The following MCC variants were observed in gnomAD, a reference collection of about 807,000 sequenced individuals.
MCC encodes the protein MCC regulator of Wnt signaling pathway, also known as colorectal mutant cancer protein.
In MCC, 90 loss-of-function variants were observed where a neutral mutation model predicts 116.2. The observed-to-expected ratio is 0.77, with a 90% CI of 0.65 to 0.92. MCC has a LOEUF of 0.92. Ranked by LOEUF, MCC falls within the 40% of genes least tolerant of loss-of-function variation. The pLI, the probability that MCC is intolerant of heterozygous loss-of-function variation, is 0.00. For synonymous variants in MCC, 578 were observed against 510.5 expected, an observed-to-expected ratio of 1.13 and a Z score of -1.78; for missense variants, 1,516 against 1,312.2, an observed-to-expected ratio of 1.16 and a Z score of -2.40.
chr5:113,452,094 A>C (rs1441281386), intron 1 of MCC, among the ~76,000 whole-genome samples: 13 of 152,184 alleles, frequency 8.5e-5, no homozygotes, highest in Admixed American at 8.5e-4. Context: ...AGGATAGCCT[A>C]GACTTAATAT....
rs758649266 is a variant in MCC at position 113,064,128 on chromosome 5, T to A, written c.2069A>T (p.Lys690Met). The change falls in exon 14 of 19, where the codon AAG (lysine) becomes ATG (methionine). Residue 690 changes from lysine to methionine, a missense_variant. By Grantham distance (95) the Lys-to-Met change is moderately conservative. Coordinates refer to ENST00000408903, the MANE Select transcript of MCC (RefSeq NM_001085377.2). The part of the protein sequence containing the change: ...SGDENITQML[K>M]RAHDCRKTAE... ...TGTCTTCCGGCAGTCATGAGCTCGC[T>A]TGAGCATCTGAGTGATGTTTTCATC... 5.0e-6 allele frequency: 8 copies of A among 1,613,760 alleles called. No individual in the cohort carries two copies. The highest frequency in any genetic ancestry group is 2.2e-5 in the South Asian group (2 of 91,018).
At chr5:113,239,611 T>A (rs538816707) in intron 3 of MCC, among the ~76,000 whole-genome samples, 1 of 152,282 alleles carries the variant, frequency 6.6e-6, no homozygotes, top group African/African-American at 2.4e-5. Context: ...TCCGTAGTAA[T>A]GTCCAGATGG....
At chr5:113,118,051 C>G (rs868758272) in intron 6 of MCC, among the ~76,000 whole-genome samples, 1 of 152,224 alleles carries the variant, frequency 6.6e-6, no homozygotes, top group Admixed American at 6.5e-5. Flanking sequence ...AAAACAACTT[C>G]TTGGCTGTGT....
At chr5:113,085,362 C>T (rs1440040586) in intron 8 of MCC, 52 bp from the exon 9 acceptor site, 1 of 1,542,592 alleles carries the variant, frequency 6.5e-7, no homozygotes, top group African/African-American at 1.4e-5. Flanking sequence ...GGCTAAAGAG[C>T]AAAACAGCCA....
intron 3 of MCC, among the ~76,000 whole-genome samples, chr5:113,287,569 C>T (rs754141905): frequency 6.6e-6 from 1 of 152,190 alleles, no homozygotes; most frequent in East Asian, 1.9e-4. Context: ...TCATGATCCA[C>T]CTGTCTCAGC....
At chr5:113,280,330 C>G (rs926352471) in intron 3 of MCC, among the ~76,000 whole-genome samples, 4 of 152,172 alleles carry the variant, frequency 2.6e-5, no homozygotes, top group Non-Finnish European at 5.9e-5. Context: ...TGTAACTTTT[C>G]TATCTATCTC....
At chr5:113,109,495 T>C (rs1200413553) in intron 6 of MCC, among the ~76,000 whole-genome samples, 2 of 152,064 alleles carry the variant, frequency 1.3e-5, no homozygotes, top group Non-Finnish European at 2.9e-5. Flanking sequence ...GTGGGGGTGA[T>C]GCGAGAATAG....
intron 3 of MCC, among the ~76,000 whole-genome samples, chr5:113,250,465 C>G (rs773507479): frequency 6.6e-6 from 1 of 152,220 alleles, no homozygotes; most frequent in African/African-American, 2.4e-5. Flanking sequence ...CTTGAGTCAT[C>G]ATCCCAGTGC....
chr5:113,485,749 T>G (rs565668269), intron 1 of MCC, among the ~76,000 whole-genome samples: 2 of 152,232 alleles, frequency 1.3e-5, no homozygotes, highest in Admixed American at 6.5e-5. Context: ...TTCTACTAGG[T>G]GACAAAGCCA....
intron 4 of MCC, among the ~76,000 whole-genome samples, chr5:113,145,437 A>T (rs1759437383): frequency 6.6e-6 from 1 of 152,058 alleles, no homozygotes; most frequent in African/African-American, 2.4e-5. Context: ...ACACTCAATG[A>T]GCTCTCACTT....
At chr5:113,370,840 C>G (rs1768820776) in intron 2 of MCC, among the ~76,000 whole-genome samples, 1 of 152,206 alleles carries the variant, frequency 6.6e-6, no homozygotes, top group Non-Finnish European at 1.5e-5. Context: ...ACAAGAAAAA[C>G]CATCTTAGAG....
chr5:113,143,114 A>G, intron 5 of MCC, 104 bp downstream of exon 5: 2 of 1,255,372 alleles, frequency 1.6e-6, no homozygotes, highest in Non-Finnish European at 2.2e-6. Flanking sequence ...ATAATCTACA[A>G]ACTAGAACTT....
At chr5:113,260,741 A>ATT (rs34302607) in intron 3 of MCC, among the ~76,000 whole-genome samples, 1 of 150,420 alleles carries the variant, frequency 6.6e-6, no homozygotes, top group Non-Finnish European at 1.5e-5. Flanking sequence ...ATGCCTACAC[A>ATT]TTTTTTTTTA....
At chr5:113,309,332 C>CGG (rs1192038919) in intron 3 of MCC, among the ~76,000 whole-genome samples, 1 of 152,162 alleles carries the variant, frequency 6.6e-6, no homozygotes, top group Non-Finnish European at 1.5e-5. Flanking sequence ...TTTTTTACCC[C>CGG]GTGTTCTTCT....
intron 3 of MCC, among the ~76,000 whole-genome samples, chr5:113,223,253 C>T (rs538752309): frequency 3.9e-4 from 60 of 152,286 alleles, no homozygotes; most frequent in African/African-American, 1.4e-3. Context: ...GGCCCATAAG[C>T]ATGTTCTGTT....
intron 2 of MCC, among the ~76,000 whole-genome samples, chr5:113,350,647 C>T (rs548267069): frequency 3.3e-5 from 5 of 151,810 alleles, no homozygotes; most frequent in Non-Finnish European, 7.4e-5. Flanking sequence ...TGAGTAATAC[C>T]CCACAAGCAC....
intron 1 of MCC, among the ~76,000 whole-genome samples, chr5:113,411,782 C>A (rs1169564750): frequency 1.3e-5 from 2 of 152,244 alleles, no homozygotes; most frequent in Admixed American, 1.3e-4. Flanking sequence ...TTAATTAGAT[C>A]CCATTTGTCT....
At chr5:113,315,049 A>T (rs1454528798) in intron 3 of MCC, among the ~76,000 whole-genome samples, 3 of 152,234 alleles carry the variant, frequency 2.0e-5, no homozygotes, top group African/African-American at 7.2e-5. Flanking sequence ...TTTGCTCTCC[A>T]TCAGTAAATA....
intron 17 of MCC, among the ~76,000 whole-genome samples, chr5:113,037,928 C>A (rs1751429477): frequency 6.6e-6 from 1 of 152,198 alleles, no homozygotes; most frequent in African/African-American, 2.4e-5. Context: ...TACGGACAAT[C>A]TTGAGTGCCA....
Sources: allele counts gnomAD v4.1 joint callset (sites outside exome capture counted in the v4.1 genomes callset), GRCh38; gene constraint gnomAD v4.1.1; transcripts MANE v1.5; gene names NCBI Gene and HGNC (gene_info 2026-07-23, HGNC 2026-07-21).